KIAA1217: variants seen among roughly 807,000 people sequenced by gnomAD.
The protein encoded by KIAA1217 is sickle tail protein homolog.
Under a neutral mutation model 163.9 loss-of-function variants are expected in KIAA1217, and 88 were observed. The observed-to-expected ratio is 0.54, with a 90% confidence interval of 0.45 to 0.64. KIAA1217 has a LOEUF of 0.64. KIAA1217 is among the 30% of genes least tolerant of loss of function. The pLI, the probability that KIAA1217 is intolerant of heterozygous loss-of-function variation, is 0.00. For synonymous variants in KIAA1217, 903 were observed against 923.1 expected, an observed-to-expected ratio of 0.98 and a Z score of 0.39; for missense variants, 2,372 against 2,475.0, an observed-to-expected ratio of 0.96 and a Z score of 0.88.
intron 2 of KIAA1217, among the ~76,000 whole-genome samples, chr10:24,289,205 A>G (rs2132406513): frequency 6.6e-6 from 1 of 152,322 alleles, no homozygotes; most frequent in African/African-American, 2.4e-5. Flanking sequence ...GTCCCTGCAA[A>G]TTTGGGAAGA....
chr10:24,129,790 C>G (rs1360978035), intron 2 of KIAA1217, among the ~76,000 whole-genome samples: 9 of 152,142 alleles, frequency 5.9e-5, no homozygotes, highest in Non-Finnish European at 1.2e-4. Flanking sequence ...CCATCCACTT[C>G]TCAGTTTTTC....
At position 24,473,444 on chromosome 10, in the gene KIAA1217, C is replaced by A. The variant is rs769397629; in HGVS notation, c.1063C>A (p.Pro355Thr). Reference sequence around the variant, plus strand: ...CCCCAGGGACAGAATCTCCAGCCTGCCAGTCTCCAGACCCATCTCTCCAAG... The same window carrying A: ...CCCCAGGGACAGAATCTCCAGCCTGACAGTCTCCAGACCCATCTCTCCAAG... ...TIPRDRISSL[P>T]VSRPISPSPS... The change falls in exon 6 of 21, where the codon CCA (proline) becomes ACA (threonine). Residue 355 changes from proline to threonine, a missense_variant. Physicochemically the swap from Pro to Thr is conservative, Grantham distance 38. Around this residue, in one of 3 missense-constraint regions of KIAA1217, gnomAD observed 1,431 missense variants for 1,470.3 expected, o/e 0.97. Transcript: ENST00000376454. 4 of 1,614,132 alleles carry A rather than the reference C, an allele frequency of 2.5e-6. No homozygotes were observed. Among genetic ancestry groups the A allele is most frequent in the Non-Finnish European group, 3.4e-6 (4 of 1,180,010 alleles).
At chr10:24,256,173 C>A (rs182113479) in intron 2 of KIAA1217, among the ~76,000 whole-genome samples, 234 of 152,028 alleles carry the variant, frequency 1.5e-3, no homozygotes, top group Non-Finnish European at 2.5e-3. Context: ...GTGTCACCTT[C>A]GCAAAGTGCA....
chr10:24,030,510 A>C (rs1265555959), intron 2 of KIAA1217, among the ~76,000 whole-genome samples: 2 of 152,176 alleles, frequency 1.3e-5, no homozygotes, highest in Non-Finnish European at 2.9e-5. Context: ...ACTGTGAGTC[A>C]CTTAAACCTC....
Position 24,104,174 on chromosome 10 carries a change from A to G in KIAA1217, c.-171+96800A>G, listed in dbSNP as rs2062529826. Among the ~76,000 whole-genome samples the G allele has an allele frequency of 2.0e-5, 3 of 152,250 alleles. No homozygotes were observed. The South Asian group carries it at 6.2e-4, about 32-fold the overall frequency. ...ATCATGCTCCTTGGTATTTACCCAA[A>G]GAGAAGTTGAAAACTTCTATCCACA... On this transcript the variant is annotated intron_variant, in intron 2 of 18. Transcript: ENST00000376462.
chr10:23,964,919 A>G lies in KIAA1217; in HGVS notation c.-320-42306A>G, dbSNP rs112418996. Among the ~76,000 whole-genome samples the G allele has an allele frequency of 9.2e-3, 1,399 of 152,254 alleles. 27 individuals are homozygous for G. Among genetic ancestry groups the G allele is most frequent in the African/African-American group, 0.032 (1,321 of 41,538 alleles). On this transcript the variant is annotated intron_variant, in intron 1 of 18. Coordinates refer to the KIAA1217 transcript ENST00000376462. Reference sequence around the variant, plus strand: ...CCATGCAACCACCCATAATAGTTGAATTCTAAGAGACAGAAAGAATACGAA... The same window carrying G: ...CCATGCAACCACCCATAATAGTTGAGTTCTAAGAGACAGAAAGAATACGAA...
chr10:24,330,621 A>AT lies in KIAA1217; in HGVS notation c.355-50242dup, dbSNP rs1254638599. Among the ~76,000 whole-genome samples, 7 of 151,942 alleles carry AT rather than the reference A, an allele frequency of 4.6e-5. No individual in the cohort carries two copies. In the East Asian group the frequency reaches 1.2e-3, roughly 25 times the overall value. On this transcript the variant is annotated intron_variant, in intron 2 of 20. Transcript: ENST00000376454. Reference sequence around the variant, plus strand: ...AAATTCATAGAGAAACAGTAGGGGCATTTTTTATTTTTGAGACAGGGTCTA... The same window carrying AT: ...AAATTCATAGAGAAACAGTAGGGGCATTTTTTTATTTTTGAGACAGGGTCTA...
chr10:24,342,562 A>G (rs373766121), intron 2 of KIAA1217, among the ~76,000 whole-genome samples: 3 of 151,998 alleles, frequency 2.0e-5, no homozygotes, highest in East Asian at 3.9e-4. Context: ...TATAAAAATT[A>G]TAATAATCTA....
At chr10:24,108,359 A>T (rs1024973742) in intron 2 of KIAA1217, among the ~76,000 whole-genome samples, 1 of 152,196 alleles carries the variant, frequency 6.6e-6, no homozygotes, top group Non-Finnish European at 1.5e-5. Context: ...GTTTCTTAAG[A>T]TTGAAAAGAC....
At chr10:24,398,778 C>T (rs900380425) in intron 3 of KIAA1217, among the ~76,000 whole-genome samples, 2 of 152,174 alleles carry the variant, frequency 1.3e-5, no homozygotes, top group African/African-American at 2.4e-5. Context: ...CCACCTGAGG[C>T]ATTCTTCCCT....
intron 1 of KIAA1217, among the ~76,000 whole-genome samples, chr10:23,946,405 T>C (rs1483910361): frequency 6.6e-6 from 1 of 152,174 alleles, no homozygotes; most frequent in East Asian, 1.9e-4. Flanking sequence ...TCCTGATTTA[T>C]TTCAGGGGTT....
intron 1 of KIAA1217, among the ~76,000 whole-genome samples, chr10:23,922,322 A>T (rs1039385267): frequency 6.6e-6 from 1 of 152,188 alleles, no homozygotes; most frequent in South Asian, 2.1e-4. Flanking sequence ...CTGACCGTTC[A>T]TTTGTATCCT....
intron 5 of KIAA1217, among the ~76,000 whole-genome samples, chr10:24,453,443 T>C (rs1439941112): frequency 6.6e-6 from 1 of 152,218 alleles, no homozygotes; most frequent in Non-Finnish European, 1.5e-5. Flanking sequence ...GGACTAAAAA[T>C]AAATGGATTT....
chr10:24,048,771 G>C (rs946520117), intron 2 of KIAA1217, among the ~76,000 whole-genome samples: 6 of 150,778 alleles, frequency 4.0e-5, no homozygotes, highest in South Asian at 2.1e-4. Context: ...AGTGGCTCAC[G>C]CCTGTCATCC....
intron 5 of KIAA1217, among the ~76,000 whole-genome samples, chr10:24,451,020 T>TATCA (rs1429243303): frequency 6.6e-6 from 1 of 152,208 alleles, no homozygotes; most frequent in Non-Finnish European, 1.5e-5. Flanking sequence ...CAAAACCTAG[T>TATCA]ATCACACTGG....
chr10:24,371,769 TCAC>T (rs753714789), intron 2 of KIAA1217, among the ~76,000 whole-genome samples: 2 of 152,230 alleles, frequency 1.3e-5, no homozygotes, highest in Non-Finnish European at 2.9e-5. Context: ...TACATTCAGG[TCAC>T]CATAGACAGG....
chr10:24,242,152 T>C (rs970153404), intron 2 of KIAA1217, among the ~76,000 whole-genome samples: 1 of 152,318 alleles, frequency 6.6e-6, no homozygotes, highest in South Asian at 2.1e-4. Flanking sequence ...TATTTTTAGA[T>C]ATAGGAGGTA....
intron 1 of KIAA1217, among the ~76,000 whole-genome samples, chr10:23,823,501 T>A (rs1472758395): frequency 6.6e-6 from 1 of 152,186 alleles, no homozygotes; most frequent in African/African-American, 2.4e-5. Context: ...GTAAGTGGAA[T>A]GGGCTCACCT....
chr10:24,179,786 C>T (rs1207259741), intron 2 of KIAA1217, among the ~76,000 whole-genome samples: 1 of 152,100 alleles, frequency 6.6e-6, no homozygotes, highest in African/African-American at 2.4e-5. Flanking sequence ...TGAGGTTTCA[C>T]CATGTTGGCC....
Sources: allele counts gnomAD v4.1 joint callset (sites outside exome capture counted in the v4.1 genomes callset), GRCh38; gene constraint gnomAD v4.1.1; regional missense constraint gnomAD v4.1.1; transcripts MANE v1.5; gene names NCBI Gene and HGNC (gene_info 2026-07-23, HGNC 2026-07-21).